Variants in LSM14B observed in about 807,000 individuals in gnomAD.
LSM14B encodes the protein LSM family member 14B, also known as protein LSM14 homolog B.
In LSM14B, 8 loss-of-function variants were observed where a neutral mutation model predicts 42.1. The ratio of observed to expected loss-of-function variants is 0.19; its 90% CI spans 0.11 to 0.34. The LOEUF is 0.34. LSM14B is among the 10% of genes least tolerant of loss of function. The pLI is 1.00. For missense variants in LSM14B, 396 were observed against 513.1 expected, an observed-to-expected ratio of 0.77 and a Z score of 2.21; for synonymous variants, 219 against 209.7, an observed-to-expected ratio of 1.04 and a Z score of -0.38.
intron 7 of LSM14B, 78 bp downstream of exon 7, chr20:62,131,584 C>T (rs1057351635): frequency 3.2e-6 from 5 of 1,548,376 alleles, no homozygotes; most frequent in African/African-American, 2.7e-5. Context: ...AACCTGAGGG[C>T]AGAGCTGGAC....
intron 3 of LSM14B, 142 bp from the exon 4 acceptor site, chr20:62,129,643 G>T (rs561383855): frequency 2.2e-6 from 2 of 915,038 alleles, no homozygotes; most frequent in Non-Finnish European, 3.2e-6. Flanking sequence ...CAGTCTGGGG[G>T]TGCTTTGCCT....
intron 7 of LSM14B, among the ~76,000 whole-genome samples, chr20:62,131,846 G>A (rs1166887246): frequency 6.6e-6 from 1 of 152,256 alleles, no homozygotes; most frequent in Non-Finnish European, 1.5e-5. Flanking sequence ...CGCTGGCCTG[G>A]CAGCCTGAGG....
chr20:62,129,869 C>T lies in LSM14B; in HGVS notation c.512C>T (p.Ala171Val). The change falls in exon 4 of 9, where the codon GCT becomes GTT. Residue 171 changes from alanine (A) to valine (V), a missense_variant. Coordinates refer to ENST00000279068, the MANE Select transcript of LSM14B (RefSeq NM_144703.3). Reference protein sequence around the residue: ...VQTGSADNLNAKKLLPGKGTT... With the variant: ...VQTGSADNLNVKKLLPGKGTT... The stretch of plus-strand genomic sequence containing the variant: ...ACTGGTTCTGCTGACAACCTGAATG[C>T]TAAAAAGCTGTTACCTGGCAAGGGC... 1.2e-6 allele frequency: 2 copies of T among 1,613,148 alleles called. No homozygotes were observed. The highest frequency in any genetic ancestry group is 1.7e-6 in the Non-Finnish European group (2 of 1,179,602).
Position 62,130,530 on chromosome 20 carries a change from G to C in LSM14B, c.674G>C (p.Gly225Ala). 1.2e-6 allele frequency: 2 copies of C among 1,613,572 alleles called. No individual in the cohort carries two copies. Among genetic ancestry groups the C allele is most frequent in the Non-Finnish European group, 1.7e-6 (2 of 1,179,680 alleles). Residue 225 changes from glycine (G) to alanine (A), a missense_variant and splice_region_variant, in exon 6 of 9, where the codon GGA (glycine) becomes GCA (alanine). Physicochemically the swap from Gly to Ala is moderately conservative, Grantham distance 60. Transcript: ENST00000279068. The surrounding 1 kb of genome is among the most constrained non-coding windows in gnomAD (Gnocchi z 4.1). Reference sequence around the variant, plus strand: ...CCAGGGCTGTCCTTTGTCCTCACAGGAAACAGGCGAACAAGGAATCGCTCC... The same window carrying C: ...CCAGGGCTGTCCTTTGTCCTCACAGCAAACAGGCGAACAAGGAATCGCTCC... ...ENRRPQRRRS[G>A]NRRTRNRSRG...
chr20:62,123,978 T>C (rs145004835), intron 1 of LSM14B, among the ~76,000 whole-genome samples: 1,621 of 152,250 alleles, frequency 0.011, 21 homozygotes, highest in African/African-American at 0.035. Context: ...GAGGCTGCTG[T>C]CCCACCCACC....
chr20:62,126,911 T>C (rs2056624274), intron 3 of LSM14B, among the ~76,000 whole-genome samples: 1 of 152,044 alleles, frequency 6.6e-6, no homozygotes, highest in South Asian at 2.1e-4. Context: ...GCATGAGAAT[T>C]GCTTAAACCT....
chr20:62,131,438 G>T lies in LSM14B; in HGVS notation c.918G>T (p.Leu306=), dbSNP rs754499523. 2 of 1,613,812 alleles carry T rather than the reference G, an allele frequency of 1.2e-6. No homozygotes were observed. Among genetic ancestry groups the T allele is most frequent in the Non-Finnish European group, 1.7e-6 (2 of 1,179,890 alleles). ...SAEAPAEEDL[L]GPNCYYDKSK... is the part of the protein sequence containing the mutation. ...AAGCGCCCGCTGAGGAAGACCTTCT[G>T]GGGCCCAACTGCTACTATGACAAAT... Residue 306 remains leucine, a synonymous_variant, in exon 7 of 9, where the codon CTG becomes CTT. Transcript: ENST00000279068.
intron 3 of LSM14B, chr20:62,128,822 T>C: frequency 5.9e-6 from 4 of 679,546 alleles, no homozygotes; most frequent in Middle Eastern, 3.2e-4. Flanking sequence ...TTTTCTACAG[T>C]CAATTTTTTT....
chr20:62,132,078 G>A (rs560148376), intron 7 of LSM14B, among the ~76,000 whole-genome samples: 55 of 152,362 alleles, frequency 3.6e-4, no homozygotes, highest in Middle Eastern at 6.8e-3. Context: ...CAGACATGCC[G>A]CGGGGCGTTG....
In LSM14B at chr20:62,133,473, A is replaced by G. The variant is rs965143407; in HGVS notation, c.*12A>G. ...CTGGCAGGGTGTGAGGGTGCAGCCA[A>G]AGGTGAGTGGATGAACCTTCTGGAC... On this transcript the variant is annotated splice_region_variant and 3_prime_UTR_variant, in exon 8 of 9. Transcript: ENST00000279068. 20 of 1,609,566 alleles carry G rather than the reference A, an allele frequency of 1.2e-5. No individual in the cohort carries two copies. The highest frequency in any genetic ancestry group is 1.7e-4 in the Middle Eastern group (1 of 6,000).
intron 3 of LSM14B, chr20:62,127,662 C>G (rs1254052362): frequency 6.4e-7 from 1 of 1,551,076 alleles, no homozygotes; most frequent in African/African-American, 1.4e-5. Context: ...CGTTTCAGAG[C>G]TTGACTTGTC....
intron 8 of LSM14B, among the ~76,000 whole-genome samples, chr20:62,133,814 A>G (rs1040965491): frequency 6.6e-6 from 1 of 152,168 alleles, no homozygotes; most frequent in Admixed American, 6.5e-5. Context: ...TCTTGGCCCA[A>G]CCCGGCCCTA....
At chr20:62,126,515 TG>T in intron 3 of LSM14B, 76 bp downstream of exon 3, 1 of 1,546,690 alleles carries the variant, frequency 6.5e-7, no homozygotes, top group Non-Finnish European at 8.7e-7. Flanking sequence ...AGCCTGAGGG[TG>T]GGGATATGCA....
At chr20:62,129,681 C>T (rs988294754) in intron 3 of LSM14B, 104 bp from the exon 4 acceptor site, 1 of 1,157,506 alleles carries the variant, frequency 8.6e-7, no homozygotes, top group East Asian at 2.6e-5. Flanking sequence ...TAGGCAGTTG[C>T]CCTCCTTTCC....
chr20:62,130,609 T>C lies in LSM14B; in HGVS notation c.753T>C (p.Gly251=). 2 of 1,613,902 alleles carry C rather than the reference T, an allele frequency of 1.2e-6. No homozygotes were observed. Among genetic ancestry groups the C allele is most frequent in the Non-Finnish European group, 1.7e-6 (2 of 1,179,862 alleles). ...AGGAAAACACAATCAAATTTGAGGG[T>C]GACTTTGATTTCGAGAGTGCAAATG... ...NVKENTIKFE[G]DFDFESANAQ... The change falls in exon 6 of 9, where the codon GGT becomes GGC. Residue 251 remains glycine (G), a synonymous_variant. Coordinates refer to ENST00000279068, the MANE Select transcript of LSM14B (RefSeq NM_144703.3). This position sits in a 1 kb window ranked among gnomAD's most constrained non-coding sequence, Gnocchi z 4.1.
intron 2 of LSM14B, 30 bp downstream of exon 2, chr20:62,124,810 C>T (rs1312966361): frequency 1.3e-6 from 2 of 1,585,960 alleles, no homozygotes; most frequent in African/African-American, 1.3e-5. Flanking sequence ...TCTGTGCATG[C>T]TGTAGGAGAT....
chr20:62,126,462 G>A, intron 3 of LSM14B, 23 bp downstream of exon 3: 1 of 1,603,046 alleles, frequency 6.2e-7, no homozygotes, highest in East Asian at 2.2e-5. Context: ...TTTCTGTCTG[G>A]TAAACTACCC....
In LSM14B at chr20:62,122,797, G is replaced by A. The variant is rs769866424; in HGVS notation, c.127+4G>A. The A allele has an allele frequency of 1.3e-6, 2 of 1,494,352 alleles. No homozygotes were observed. Among genetic ancestry groups the A allele is most frequent in the East Asian group, 3.0e-5 (1 of 33,634 alleles). 92.6% of individuals were successfully genotyped at this position (1,494,352 alleles called of 1,614,324 possible). On this transcript the variant is annotated splice_donor_region_variant and intron_variant, in intron 1 of 8. Transcript: ENST00000279068. This position sits in a 1 kb window ranked among gnomAD's most constrained non-coding sequence, Gnocchi z 4.6. ...TCCACCGTGGCGCTCGCCAAAGGTA[G>A]CGGCCGCCGCCCGCCCGAGCCCGCT...
chr20:62,133,734 G>C (rs6089659), intron 8 of LSM14B, among the ~76,000 whole-genome samples: 96,502 of 152,194 alleles, frequency 0.63, 35,081 homozygotes, highest in Non-Finnish European at 0.8. Flanking sequence ...AGGTGGTGCG[G>C]GAGTCGCGTG....
Sources: allele counts gnomAD v4.1 joint callset (sites outside exome capture counted in the v4.1 genomes callset), GRCh38; gene constraint gnomAD v4.1.1; non-coding constraint Gnocchi (gnomAD v3.1); transcripts MANE v1.5; gene names NCBI Gene and HGNC (gene_info 2026-07-23, HGNC 2026-07-21).